Variants in MAX observed in about 807,000 individuals in gnomAD.
MAX encodes the protein protein max.
Under a neutral mutation model 22.3 loss-of-function variants are expected in MAX, and 3 were observed. The observed-to-expected ratio is 0.13, with a 90% CI of 0.06 to 0.35. MAX has a LOEUF of 0.35. Among genes scored for constraint, MAX ranks in the 10% least tolerant of loss-of-function variants. The pLI, the probability that MAX is intolerant of heterozygous loss-of-function variation, is 1.00. For missense variants in MAX, 119 were observed against 209.4 expected (o/e 0.57, Z 2.66); for synonymous variants, 72 against 77.7 (o/e 0.93, Z 0.39).
At position 65,102,513 on chromosome 14, in the gene MAX, T is replaced by C; in HGVS notation, c.-174A>G. ...CACAACACGGGCAAGAACCACCTCC[T>C]CACTGCAGCACCGGATCAACGGCGG... is the stretch of plus-strand genomic sequence containing the variant. On this transcript the variant is annotated 5_prime_UTR_variant, in exon 1 of 5. Coordinates refer to ENST00000358664, the MANE Select transcript of MAX (RefSeq NM_002382.5). The C allele has an allele frequency of 9.5e-6, 14 of 1,477,114 alleles. No individual in the cohort carries two copies. The highest frequency in any genetic ancestry group is 1.3e-5 in the Non-Finnish European group (14 of 1,114,402). 91.5% of individuals were successfully genotyped at this position (1,477,114 alleles called of 1,614,324 possible). A position where few individuals can be genotyped will look rare whatever the true frequency, so the allele number is the denominator to read the frequency against.
chr14:65,061,362 A>G, intron 3 of MAX: 1 of 1,611,060 alleles, frequency 6.2e-7, no homozygotes, highest in Non-Finnish European at 8.5e-7. Context: ...CCAGTCAGAC[A>G]AGGTTTATAC....
At chr14:65,065,479 C>A (rs758831958) in intron 3 of MAX, among the ~76,000 whole-genome samples, 3 of 152,150 alleles carry the variant, frequency 2.0e-5, no homozygotes, top group Non-Finnish European at 4.4e-5. Flanking sequence ...ACCTAGATGG[C>A]CTACCCTACC....
rs966502162 is a variant in MAX at position 65,028,957 on chromosome 14, A to G, written c.172-22673T>C. On this transcript the variant is annotated intron_variant, in intron 3 of 3. Transcript: ENST00000341653. The surrounding 1 kb of genome is among the most constrained non-coding windows in gnomAD (Gnocchi z 4.4). ...CAAATCATAGCAAGATCCTTTTGGTATTTTATCATATACCTTTTGCAGCTG... is the reference window on the plus strand; with the variant it reads ...CAAATCATAGCAAGATCCTTTTGGTGTTTTATCATATACCTTTTGCAGCTG... Among the ~76,000 whole-genome samples, 1 of 152,118 alleles carries G rather than the reference A, an allele frequency of 6.6e-6. No homozygotes were observed. Among genetic ancestry groups the G allele is most frequent in the Non-Finnish European group, 1.5e-5 (1 of 68,012 alleles).
intron 3 of MAX, among the ~76,000 whole-genome samples, chr14:65,020,894 GCTAATTTT>G (rs2061874446): frequency 6.6e-6 from 1 of 151,626 alleles, no homozygotes; most frequent in South Asian, 2.1e-4. Flanking sequence ...ACCACGCCCA[GCTAATTTT>G]TGTATTTTGT....
At chr14:65,039,743 C>T (rs978586891) in intron 3 of MAX, among the ~76,000 whole-genome samples, 3 of 152,322 alleles carry the variant, frequency 2.0e-5, no homozygotes, top group South Asian at 2.1e-4. Context: ...GCTCATGGTT[C>T]TGCAGGCTGT....
intron 3 of MAX, among the ~76,000 whole-genome samples, chr14:65,065,774 A>C (rs557978891): frequency 6.6e-6 from 1 of 151,756 alleles, no homozygotes; most frequent in East Asian, 1.9e-4. Flanking sequence ...AGTGCTGACC[A>C]CTCTTGCCTC....
chr14:65,019,159 G>A (rs1019819840), intron 3 of MAX, among the ~76,000 whole-genome samples: 2 of 151,892 alleles, frequency 1.3e-5, no homozygotes, highest in African/African-American at 4.8e-5. Flanking sequence ...GGCAACAAGA[G>A]TGAAACTCCA....
In MAX at chr14:65,027,693, C is replaced by T. The variant is rs757771995; in HGVS notation, c.172-21409G>A. On this transcript the variant is annotated intron_variant, in intron 3 of 3. Transcript: ENST00000341653. The surrounding 1 kb of genome is among the most constrained non-coding windows in gnomAD (Gnocchi z 5.7). ...GCCTCTCCTACCTCTTTCCCTGTTT[C>T]TCAGAGAGAAGCTTCTTCAGTATTT... is the stretch of plus-strand genomic sequence containing the variant. The T allele has an allele frequency of 5.0e-6, 8 of 1,614,104 alleles. No individual in the cohort carries two copies.
chr14:65,098,685 G>T (rs1462394464), intron 2 of MAX, among the ~76,000 whole-genome samples: 2 of 152,182 alleles, frequency 1.3e-5, no homozygotes, highest in Admixed American at 1.3e-4. Context: ...AATAACATCA[G>T]TGGGATTTTG....
intron 3 of MAX, among the ~76,000 whole-genome samples, chr14:65,008,822 C>A (rs4466998): frequency 0.55 from 84,042 of 152,046 alleles, 23,736 homozygotes; most frequent in African/African-American, 0.66. Flanking sequence ...ATAAGAAATT[C>A]TATTTAAATC....
chr14:65,048,050 C>T (rs908362578), intron 3 of MAX, among the ~76,000 whole-genome samples: 2 of 126,830 alleles, frequency 1.6e-5, no homozygotes, highest in African/African-American at 6.1e-5. Context: ...TGCAGTGGTG[C>T]AATCTCGGCT....
rs541110642 is a variant in MAX, at chr14:65,045,308, C to T, written c.172-39024G>A. On this transcript the variant is annotated intron_variant, in intron 3 of 3. Transcript: ENST00000341653. ...CTGGGTCCAAAGAGAAGCTGTTCTT[C>T]GGACTTAGTTGGATAATGTAACTGC... is the stretch of plus-strand genomic sequence containing the variant. 1.1e-4 allele frequency among the ~76,000 whole-genome samples: 16 copies of T among 152,238 alleles called. No individual in the cohort carries two copies. In the East Asian group the frequency reaches 1.2e-3, roughly 11 times the overall value.
rs991961549 is a variant in MAX at position 65,093,373 on chromosome 14, A to G, written c.171+335T>C. The G allele has an allele frequency of 2.9e-6, 1 of 339,062 alleles. No homozygotes were observed. The highest frequency in any genetic ancestry group is 5.7e-6 in the Non-Finnish European group (1 of 175,018). The allele number at this position is 339,062 out of a possible 1,614,324, so 21.0% of individuals were successfully genotyped here. ...GGTCTAGGGTATTAATGACCTCTGG[A>G]ATCTTTACTGTTATCCCAAACGAAC... is the stretch of plus-strand genomic sequence containing the variant. On this transcript the variant is annotated intron_variant, in intron 3 of 4. Coordinates refer to ENST00000358664, the MANE Select transcript of MAX (RefSeq NM_002382.5). This position sits in a 1 kb window ranked among gnomAD's most constrained non-coding sequence, Gnocchi z 4.4.
At position 65,101,559 on chromosome 14, in the gene MAX, C is replaced by A. The variant is rs1309179207; in HGVS notation, c.50G>T (p.Arg17Met). Residue 17 changes from arginine to methionine, a missense_variant, in exon 2 of 5, where the codon AGG becomes ATG. Transcript: ENST00000358664. ...TAGGAGACGTACCGCAGATTGAAACCTCGGTTGCTCTTCCTGGAATAAGAG... is the reference window on the plus strand; with the variant it reads ...TAGGAGACGTACCGCAGATTGAAACATCGGTTGCTCTTCCTGGAATAAGAG... ...IEVESDEEQPRFQSAADKRAH... is the reference protein window; with the variant it reads ...IEVESDEEQPMFQSAADKRAH... 1 of 1,609,200 alleles carries A rather than the reference C, an allele frequency of 6.2e-7. No homozygotes were observed. Among genetic ancestry groups the A allele is most frequent in the Non-Finnish European group, 8.5e-7 (1 of 1,176,350 alleles).
chr14:65,015,663 C>A (rs748991269), intron 3 of MAX: 38 of 1,614,012 alleles, frequency 2.4e-5, no homozygotes, highest in Middle Eastern at 1.6e-4. Flanking sequence ...GCTATTGGAT[C>A]CTGCACAGCT....
chr14:65,023,034 A>G lies in MAX; in HGVS notation c.172-16750T>C, dbSNP rs2061916980. 6.6e-6 allele frequency among the ~76,000 whole-genome samples: 1 copy of G among 152,176 alleles called. No homozygotes were observed. Among genetic ancestry groups the G allele is most frequent in the South Asian group, 2.1e-4 (1 of 4,836 alleles). ...GTACATGCCTTTGAATCCTTCATCC[A>G]AACTGATGACGGTGTTTAGAATCAA... On this transcript the variant is annotated intron_variant, in intron 3 of 3. Transcript: ENST00000341653. This position sits in a 1 kb window ranked among gnomAD's most constrained non-coding sequence, Gnocchi z 4.1.
At chr14:65,016,920 G>GTTTTTTTT (rs34191835) in intron 3 of MAX, among the ~76,000 whole-genome samples, 10 of 114,848 alleles carry the variant, frequency 8.7e-5, no homozygotes, top group Non-Finnish European at 1.4e-4. Flanking sequence ...GGCCCACGTG[G>GTTTTTTTT]TTTTTTTTTT....
intron 3 of MAX, among the ~76,000 whole-genome samples, chr14:65,006,725 T>G (rs1210289156): frequency 1.3e-5 from 2 of 152,224 alleles, no homozygotes; most frequent in Admixed American, 1.3e-4. Context: ...CCCTTTTCAC[T>G]TACCATCAGG....
At position 65,030,961 on chromosome 14, in the gene MAX, C is replaced by T. The variant is rs1242141692; in HGVS notation, c.172-24677G>A. ...TAGCTGGGATTACAGGCGTGTGCCA[C>T]CATGCCCAGCTAATTTTTGTATTTT... On this transcript the variant is annotated intron_variant, in intron 3 of 3. Transcript: ENST00000341653. The surrounding 1 kb of genome is among the most constrained non-coding windows in gnomAD (Gnocchi z 4.5). Among the ~76,000 whole-genome samples the T allele has an allele frequency of 6.6e-6, 1 of 152,074 alleles. No individual in the cohort carries two copies. The highest frequency in any genetic ancestry group is 6.5e-5 in the Admixed American group (1 of 15,274).
Sources: allele counts gnomAD v4.1 joint callset (sites outside exome capture counted in the v4.1 genomes callset), GRCh38; gene constraint gnomAD v4.1.1; non-coding constraint Gnocchi (gnomAD v3.1); transcripts MANE v1.5; gene names NCBI Gene and HGNC (gene_info 2026-07-23, HGNC 2026-07-21).